The following GSE1 variants were observed in gnomAD, a reference collection of about 807,000 sequenced individuals.
The protein encoded by GSE1 is Gse1 coiled-coil protein.
In GSE1, 32 loss-of-function variants were observed where a neutral mutation model predicts 112.6. The observed-to-expected ratio is 0.28, with a 90% CI of 0.21 to 0.38. The LOEUF is 0.38. GSE1 is among the 10% of genes least tolerant of loss of function. The pLI is 1.00. For synonymous variants in GSE1, 1,115 were observed against 735.6 expected (o/e 1.52, Z -8.35); for missense variants, 2,348 against 1,699.2 (o/e 1.38, Z -6.71).
chr16:85,252,028 G>A (rs190931565), intron 1 of GSE1, among the ~76,000 whole-genome samples: 119 of 152,284 alleles, frequency 7.8e-4, no homozygotes, highest in Non-Finnish European at 1.2e-3. Context: ...CTGCCTGATC[G>A]GCACACGCTA....
At chr16:85,651,013 G>T (rs939183024) in intron 3 of GSE1, among the ~76,000 whole-genome samples, 3 of 135,482 alleles carry the variant, frequency 2.2e-5, no homozygotes, top group Non-Finnish European at 4.9e-5. Context: ...AATCACCGGA[G>T]AATGACGGAT....
At chr16:85,571,772 C>G (rs2151331915) in intron 1 of GSE1, among the ~76,000 whole-genome samples, 1 of 152,298 alleles carries the variant, frequency 6.6e-6, no homozygotes, top group Admixed American at 6.5e-5. Flanking sequence ...CATGGCGGAG[C>G]TCAGGCTGCA....
At chr16:85,302,272 C>G (rs1016981206) in intron 1 of GSE1, among the ~76,000 whole-genome samples, 1 of 152,154 alleles carries the variant, frequency 6.6e-6, no homozygotes, top group Non-Finnish European at 1.5e-5. Flanking sequence ...TTAATTTAAT[C>G]CGGGGTGACT....
chr16:85,317,457 C>A (rs900640338), intron 1 of GSE1, among the ~76,000 whole-genome samples: 2 of 152,152 alleles, frequency 1.3e-5, no homozygotes, highest in African/African-American at 4.8e-5. Context: ...GTGAGGACAA[C>A]CCCCCTACGA....
At chr16:85,202,261 G>T (rs2075042086) in intron 1 of GSE1, among the ~76,000 whole-genome samples, 1 of 152,220 alleles carries the variant, frequency 6.6e-6, no homozygotes, top group Non-Finnish European at 1.5e-5. Context: ...CTGGAATCCG[G>T]CAGCTTCCGA....
At chr16:85,170,943 C>T (rs1261668298) in exon 1 of GSE1, 14 of 985,404 alleles carry the variant, frequency 1.4e-5, no homozygotes, top group South Asian at 4.7e-5. Flanking sequence ...AGGGCCTGCC[C>T]TCCGGGGCCC....
chr16:85,492,748 G>GA (rs2051050314), intron 2 of GSE1, among the ~76,000 whole-genome samples: 2 of 135,020 alleles, frequency 1.5e-5, no homozygotes, highest in African/African-American at 5.8e-5. Flanking sequence ...CCGTCCCTGG[G>GA]GGATTCTGAC....
intron 1 of GSE1, among the ~76,000 whole-genome samples, chr16:85,204,718 C>G (rs562416328): frequency 2.6e-5 from 4 of 152,358 alleles, no homozygotes; most frequent in African/African-American, 9.6e-5. Context: ...AGGGATCTGC[C>G]CTTCTTGGGG....
At chr16:85,364,989 C>T (rs1407228119) in intron 2 of GSE1, among the ~76,000 whole-genome samples, 2 of 152,230 alleles carry the variant, frequency 1.3e-5, no homozygotes, top group South Asian at 2.1e-4. Context: ...TGGCTGTCTT[C>T]GAGGCTGTCT....
At position 85,675,208 on chromosome 16, in the gene GSE1, G is replaced by A. The variant is rs1231850742; in HGVS notation, c.*2669G>A. 6.6e-6 allele frequency: 1 copy of A among 152,168 alleles called. No homozygotes were observed. Among genetic ancestry groups the A allele is most frequent in the African/African-American group, 2.4e-5 (1 of 41,426 alleles). 9.4% of individuals were successfully genotyped at this position (152,168 alleles called of 1,614,324 possible). On this transcript the variant is annotated 3_prime_UTR_variant, in exon 16 of 16. Transcript: ENST00000253458. ...CTGAGTACCTCAAATCTGCTCTGGAGTCGATTATGCCACCTGTGTGTCAGG... is the reference window on the plus strand; with the variant it reads ...CTGAGTACCTCAAATCTGCTCTGGAATCGATTATGCCACCTGTGTGTCAGG...
chr16:85,246,503 C>T (rs1006753742), intron 1 of GSE1, among the ~76,000 whole-genome samples: 1 of 84,390 alleles, frequency 1.2e-5, no homozygotes, highest in African/African-American at 4.3e-5. Context: ...TCTACACACC[C>T]CCCCCCCCCC....
At chr16:85,182,164 C>T (rs922122485) in intron 1 of GSE1, among the ~76,000 whole-genome samples, 7 of 152,162 alleles carry the variant, frequency 4.6e-5, no homozygotes, top group Non-Finnish European at 5.9e-5. Context: ...CCACCCTCCC[C>T]GCCCCCCGCT....
At chr16:85,463,239 C>T (rs757839154) in intron 2 of GSE1, 12 of 353,214 alleles carry the variant, frequency 3.4e-5, no homozygotes, top group Non-Finnish European at 4.8e-5. Flanking sequence ...CACCCAGCCT[C>T]GCCCTCCAGC....
intron 2 of GSE1, among the ~76,000 whole-genome samples, chr16:85,447,499 A>G (rs888003075): frequency 5.3e-5 from 8 of 152,232 alleles, no homozygotes; most frequent in Non-Finnish European, 8.8e-5. Context: ...CGGAGGACTC[A>G]GGTTGGCTAC....
chr16:85,461,884 C>T (rs1481753850), intron 2 of GSE1, among the ~76,000 whole-genome samples: 3 of 152,098 alleles, frequency 2.0e-5, no homozygotes, highest in Non-Finnish European at 2.9e-5. Context: ...CTCCTGAGAG[C>T]GGCAGGCAGC....
intron 2 of GSE1, among the ~76,000 whole-genome samples, chr16:85,547,731 A>C (rs1478495303): frequency 6.6e-6 from 1 of 151,844 alleles, no homozygotes; most frequent in East Asian, 1.9e-4. Context: ...AAATACAAAA[A>C]TTAGCCAGGC....
At chr16:85,431,658 C>A (rs1472732251) in intron 2 of GSE1, among the ~76,000 whole-genome samples, 1 of 152,146 alleles carries the variant, frequency 6.6e-6, no homozygotes, top group Non-Finnish European at 1.5e-5. Flanking sequence ...CGCCATTGGC[C>A]TTCCGTCCTC....
chr16:85,654,964 C>T lies in GSE1; in HGVS notation c.770C>T (p.Pro257Leu), dbSNP rs2051789726. Residue 257 changes from proline (P) to leucine (L), a missense_variant, in exon 5 of 16, where the codon CCA (proline) becomes CTA (leucine). Transcript: ENST00000253458. ...TACTACCACCCCAGCTACCTGGCCC[C>T]ACACCCCTTCCCCCACCCGGCCTTC... is the stretch of plus-strand genomic sequence containing the variant. ...AAYYHPSYLA[P>L]HPFPHPAFRM... 1 of 1,604,408 alleles carries T rather than the reference C, an allele frequency of 6.2e-7. No individual in the cohort carries two copies. Among genetic ancestry groups the T allele is most frequent in the Non-Finnish European group, 8.5e-7 (1 of 1,176,780 alleles).
At chr16:85,611,879 C>G (rs1369131583), upstream of GSE1, among the ~76,000 whole-genome samples, 2 of 115,138 alleles carry the variant, frequency 1.7e-5, no homozygotes, top group African/African-American at 6.3e-5. Flanking sequence ...GGGAGGAAGG[C>G]GGGGGAGGCG....
Sources: gnomAD v4.1 joint callset for allele counts (sites outside exome capture counted in the v4.1 genomes callset) on GRCh38, gnomAD v4.1.1 for gene constraint, MANE v1.5 for transcripts, NCBI Gene and HGNC (gene_info 2026-07-23, HGNC 2026-07-21) for gene names.